OXR1: variants seen among roughly 807,000 people sequenced by gnomAD.
The protein encoded by OXR1 is oxidation resistance 1.
OXR1 carries 41 observed loss-of-function variants against 104.6 expected under a neutral mutation model. That is an observed-to-expected ratio of 0.39 (90% confidence interval 0.31 to 0.51). The LOEUF (loss-of-function observed/expected upper bound fraction) is 0.51. Among genes scored for constraint, OXR1 ranks in the 20% least tolerant of loss-of-function variants. The probability of loss-of-function intolerance (pLI) is 0.77; values close to 1 mark genes in which losing one functional copy is unlikely to be tolerated. For missense variants in OXR1, 955 were observed against 1,031.9 expected (o/e 0.93, Z 1.02); for synonymous variants, 348 against 348.4 (o/e 1.00, Z 0.01).
chr8:106,363,166 T>C (rs758173303), intron 2 of OXR1, among the ~76,000 whole-genome samples: 1 of 152,204 alleles, frequency 6.6e-6, no homozygotes, highest in Non-Finnish European at 1.5e-5. Flanking sequence ...ATCTATAACA[T>C]GCCATGTCCT....
At chr8:106,547,113 C>T (rs1220020053) in intron 3 of OXR1, among the ~76,000 whole-genome samples, 3 of 151,830 alleles carry the variant, frequency 2.0e-5, no homozygotes, top group African/African-American at 7.3e-5. Flanking sequence ...ATGGTCTTGA[C>T]CTCCTGACCT....
At chr8:106,546,482 C>T (rs1200150500) in intron 3 of OXR1, among the ~76,000 whole-genome samples, 5 of 152,074 alleles carry the variant, frequency 3.3e-5, no homozygotes, top group Admixed American at 3.3e-4. Flanking sequence ...GTTTATTTTG[C>T]CAAGGTAAAG....
intron 3 of OXR1, among the ~76,000 whole-genome samples, chr8:106,599,041 A>C (rs1586874414): frequency 6.6e-6 from 1 of 152,358 alleles, no homozygotes; most frequent in East Asian, 1.9e-4. Context: ...AATTATAAAC[A>C]CATGAGAAAG....
chr8:106,480,205 A>G (rs951968738), intron 2 of OXR1, among the ~76,000 whole-genome samples: 2 of 152,052 alleles, frequency 1.3e-5, no homozygotes, highest in Non-Finnish European at 2.9e-5. Flanking sequence ...AAACCTTGAA[A>G]GATCAACTGA....
intron 8 of OXR1, among the ~76,000 whole-genome samples, chr8:106,705,008 T>C (rs1257401150): frequency 6.6e-6 from 1 of 152,070 alleles, no homozygotes; most frequent in Non-Finnish European, 1.5e-5. Flanking sequence ...CCTTGGGAGG[T>C]TGATTTCAAA....
intron 3 of OXR1, among the ~76,000 whole-genome samples, chr8:106,669,854 T>A (rs1304842776): frequency 1.3e-5 from 2 of 152,152 alleles, no homozygotes; most frequent in East Asian, 3.9e-4. Context: ...TGCTTGAAAG[T>A]CCTTCAGGAG....
At chr8:106,691,017 A>G (rs1227018165) in intron 6 of OXR1, among the ~76,000 whole-genome samples, 1 of 152,020 alleles carries the variant, frequency 6.6e-6, no homozygotes, top group Non-Finnish European at 1.5e-5. Flanking sequence ...GGAGTTGCTA[A>G]TTCATTTATG....
intron 3 of OXR1, among the ~76,000 whole-genome samples, chr8:106,562,293 C>G (rs1418824508): frequency 6.6e-6 from 1 of 151,894 alleles, no homozygotes; most frequent in African/African-American, 2.4e-5. Context: ...CCTGATAGAG[C>G]TGAAAAACAG....
rs1818058524 is a variant in OXR1 at position 106,579,071 on chromosome 8, TA to T, written c.220+59936del. 2.7e-5 allele frequency among the ~76,000 whole-genome samples: 4 copies of T among 149,598 alleles called. No homozygotes were observed. In the South Asian group the frequency reaches 8.5e-4, roughly 32 times the overall value. The stretch of plus-strand genomic sequence containing the variant: ...ACTGGGAATGTCCTCTCAAAGCTCC[TA>T]AAATTCTTGACTGTCTCCTTTTTTG... On this transcript the variant is annotated intron_variant, in intron 3 of 16. Coordinates refer to ENST00000517566, the MANE Select transcript of OXR1 (RefSeq NM_001198533.2).
At chr8:106,664,656 A>G (rs1030016845) in intron 3 of OXR1, among the ~76,000 whole-genome samples, 4 of 152,194 alleles carry the variant, frequency 2.6e-5, no homozygotes, top group Admixed American at 1.3e-4. Context: ...TTGACTTGGG[A>G]TTTTAAGTTG....
intron 2 of OXR1, among the ~76,000 whole-genome samples, chr8:106,364,208 A>G (rs1816370684): frequency 6.6e-6 from 1 of 152,230 alleles, no homozygotes; most frequent in African/African-American, 2.4e-5. Flanking sequence ...TTAAAATACT[A>G]TTATGAATGT....
intron 3 of OXR1, among the ~76,000 whole-genome samples, chr8:106,573,228 TTCA>T (rs1183057129): frequency 3.3e-5 from 5 of 152,006 alleles, no homozygotes; most frequent in African/African-American, 4.8e-5. Context: ...AAATGTGAAA[TTCA>T]TCAAGAACCA....
intron 1 of OXR1, among the ~76,000 whole-genome samples, chr8:106,290,203 A>T (rs961546984): frequency 3.3e-5 from 5 of 152,180 alleles, no homozygotes; most frequent in African/African-American, 9.6e-5. Context: ...CAATAGGGAA[A>T]GGACTCCCTA....
intron 3 of OXR1, among the ~76,000 whole-genome samples, chr8:106,662,825 T>C (rs986066480): frequency 1.3e-5 from 2 of 151,080 alleles, no homozygotes; most frequent in African/African-American, 4.9e-5. Flanking sequence ...GGGTAATGTC[T>C]ATTTCAGTAA....
intron 11 of OXR1, chr8:106,720,847 T>G (rs1309725539): frequency 5.8e-6 from 1 of 173,560 alleles, no homozygotes; most frequent in Non-Finnish European, 1.1e-5. Flanking sequence ...GTAGTATAGC[T>G]TAAAGGAGTG....
At chr8:106,378,209 A>G (rs1488554390) in intron 2 of OXR1, among the ~76,000 whole-genome samples, 1 of 152,220 alleles carries the variant, frequency 6.6e-6, no homozygotes, top group Non-Finnish European at 1.5e-5. Flanking sequence ...TGTAGGGATT[A>G]ACACTGGAAA....
intron 2 of OXR1, among the ~76,000 whole-genome samples, chr8:106,449,635 T>C (rs1820204659): frequency 6.6e-6 from 1 of 152,214 alleles, no homozygotes; most frequent in African/African-American, 2.4e-5. Flanking sequence ...CCACAGAAGC[T>C]TGGTAATAGA....
chr8:106,390,202 C>A (rs967382049), intron 2 of OXR1, among the ~76,000 whole-genome samples: 1 of 151,916 alleles, frequency 6.6e-6, no homozygotes, highest in Non-Finnish European at 1.5e-5. Flanking sequence ...GTTTAAAAAT[C>A]TATAATAAGA....
intron 3 of OXR1, among the ~76,000 whole-genome samples, chr8:106,604,614 T>C (rs1052357121): frequency 1.3e-5 from 2 of 152,232 alleles, no homozygotes; most frequent in African/African-American, 4.8e-5. Flanking sequence ...CATATTTTGA[T>C]AGCGTGACCT....
Sources: allele counts gnomAD v4.1 joint callset (sites outside exome capture counted in the v4.1 genomes callset), GRCh38; gene constraint gnomAD v4.1.1; transcripts MANE v1.5; gene names NCBI Gene and HGNC (gene_info 2026-07-23, HGNC 2026-07-21).